Variants in SLC2A9 observed in about 807,000 individuals in gnomAD.
The protein encoded by SLC2A9 is solute carrier family 2 member 9, also known as solute carrier family 2, facilitated glucose transporter member 9.
A neutral mutation model predicts 50.6 loss-of-function variants in SLC2A9; 39 were observed. The ratio of observed to expected loss-of-function variants is 0.77; its 90% CI spans 0.60 to 1.01. SLC2A9 has a LOEUF of 1.01. SLC2A9 is among the 50% of genes least tolerant of loss of function. The pLI, the probability that SLC2A9 is intolerant of heterozygous loss-of-function variation, is 0.00. For missense variants in SLC2A9, 686 were observed against 677.6 expected (o/e 1.01, Z -0.14); for synonymous variants, 324 against 276.9 (o/e 1.17, Z -1.69).
downstream of SLC2A9, among the ~76,000 whole-genome samples, chr4:9,797,730 G>GT (rs1392877463): frequency 1.3e-5 from 2 of 152,178 alleles, no homozygotes; most frequent in Non-Finnish European, 2.9e-5. Context: ...CTAGCCACCA[G>GT]TTTCTGCCTG....
intron 5 of SLC2A9, among the ~76,000 whole-genome samples, chr4:9,949,863 T>C (rs986960975): frequency 2.0e-5 from 3 of 152,128 alleles, no homozygotes; most frequent in African/African-American, 7.2e-5. Context: ...TTCCATAGGG[T>C]TGCTTTGTTA....
chr4:9,809,307 G>C (rs1519095), intron 3 of SLC2A9, among the ~76,000 whole-genome samples: 143,688 of 152,252 alleles, frequency 0.94, 67,965 homozygotes, highest in African/African-American at 0.96. Flanking sequence ...GCCCAGCTGC[G>C]TTGGTTGCTT....
At chr4:9,901,263 GTA>G (rs1164694369) in intron 8 of SLC2A9, among the ~76,000 whole-genome samples, 1 of 152,060 alleles carries the variant, frequency 6.6e-6, no homozygotes, top group African/African-American at 2.4e-5. Flanking sequence ...ACTTGATCTA[GTA>G]TTTTAGTGGA....
At chr4:9,984,280 CCT>C (rs368715628) in intron 4 of SLC2A9, among the ~76,000 whole-genome samples, 19 of 152,194 alleles carry the variant, frequency 1.2e-4, no homozygotes, top group Admixed American at 3.9e-4. Flanking sequence ...CTCACCTCTC[CCT>C]GAGACATTTT....
intron 6 of SLC2A9, among the ~76,000 whole-genome samples, chr4:9,927,299 G>T (rs1033249451): frequency 6.6e-6 from 1 of 152,228 alleles, no homozygotes; most frequent in East Asian, 1.9e-4. Context: ...TTACAGGCGT[G>T]AGCCACCACG....
rs569963202 is a variant in SLC2A9 at position 9,952,952 on chromosome 4, C to T, written c.682-10907G>A. ...TTCTGCTATGGTCAATTTCTATTCACAGATTCTGTGATCTGAATGTCCTAT... is the reference window on the plus strand; with the variant it reads ...TTCTGCTATGGTCAATTTCTATTCATAGATTCTGTGATCTGAATGTCCTAT... On this transcript the variant is annotated intron_variant, in intron 5 of 11. Coordinates refer to ENST00000264784, the MANE Select transcript of SLC2A9 (RefSeq NM_020041.3). Among the ~76,000 whole-genome samples the T allele has an allele frequency of 1.8e-4, 27 of 152,336 alleles. No homozygotes were observed. In the East Asian group the frequency reaches 4.6e-3, roughly 26 times the overall value.
intron 1 of SLC2A9, among the ~76,000 whole-genome samples, chr4:10,039,854 C>T (rs1560514921): frequency 6.6e-6 from 1 of 152,096 alleles, no homozygotes. Context: ...CTAGATTAAG[C>T]CTTCACTTAA....
At chr4:9,898,419 T>C (rs576888825) in intron 8 of SLC2A9, among the ~76,000 whole-genome samples, 1 of 152,372 alleles carries the variant, frequency 6.6e-6, no homozygotes, top group Admixed American at 6.5e-5. Context: ...TGTGCTTTCA[T>C]ATTATTTCAC....
At chr4:9,824,884 T>A (rs1213959034), downstream of SLC2A9, among the ~76,000 whole-genome samples, 1 of 152,146 alleles carries the variant, frequency 6.6e-6, no homozygotes, top group African/African-American at 2.4e-5. Context: ...ACAAACACTG[T>A]CCAAATTTTT....
chr4:9,975,010 C>T (rs748448031), intron 5 of SLC2A9, among the ~76,000 whole-genome samples: 2 of 152,128 alleles, frequency 1.3e-5, no homozygotes, highest in African/African-American at 2.4e-5. Context: ...GGGGAAAGGA[C>T]TTCCTATTCA....
At chr4:9,931,360 C>T (rs1023538796) in intron 6 of SLC2A9, among the ~76,000 whole-genome samples, 3 of 152,162 alleles carry the variant, frequency 2.0e-5, no homozygotes, top group African/African-American at 7.2e-5. Flanking sequence ...CTCTGTGTAG[C>T]ATGGCAAACT....
At chr4:9,899,082 T>C (rs1237636610) in intron 8 of SLC2A9, among the ~76,000 whole-genome samples, 2 of 152,176 alleles carry the variant, frequency 1.3e-5, no homozygotes, top group African/African-American at 4.8e-5. Flanking sequence ...GCCAAAGCGG[T>C]GCAGACAACT....
At chr4:9,839,800 G>A (rs938045107) in intron 10 of SLC2A9, among the ~76,000 whole-genome samples, 19 of 151,986 alleles carry the variant, frequency 1.3e-4, no homozygotes, top group Admixed American at 4.6e-4. Context: ...CACATAGAGC[G>A]GAACAACACA....
rs1238738010 is a variant in SLC2A9 at position 10,019,007 on chromosome 4, A to AGCC, written c.214_216dup (p.Gly72dup). ...GGGGCATTCACCACCGACAGGTTGT[A>AGCC]GCCGTAGAGGAAGGAGGAGCCGAAG... On this transcript the variant is annotated inframe_insertion, in exon 2 of 12. Transcript: ENST00000264784. 9 of 1,550,524 alleles carry AGCC rather than the reference A, an allele frequency of 5.8e-6. No homozygotes were observed. The African/African-American group carries it at 1.2e-4, about 21-fold the overall frequency.
intron 9 of SLC2A9, among the ~76,000 whole-genome samples, chr4:9,888,897 CT>C (rs1219979018): frequency 6.6e-6 from 1 of 152,124 alleles, no homozygotes. Flanking sequence ...GTATGGCTTG[CT>C]TCTGTACCAA....
chr4:9,920,922 C>A (rs894756470), intron 6 of SLC2A9, among the ~76,000 whole-genome samples: 1 of 152,184 alleles, frequency 6.6e-6, no homozygotes, highest in South Asian at 2.1e-4. Context: ...ATCATTCCTG[C>A]CTCCAATGGC....
intron 7 of SLC2A9, among the ~76,000 whole-genome samples, chr4:9,913,028 C>G (rs1742135351): frequency 6.6e-6 from 1 of 152,214 alleles, no homozygotes; most frequent in African/African-American, 2.4e-5. Context: ...CCGAGAGATG[C>G]AGGTGCCATC....
chr4:9,850,917 C>T (rs1177969315), intron 10 of SLC2A9, among the ~76,000 whole-genome samples: 2 of 152,150 alleles, frequency 1.3e-5, no homozygotes, highest in South Asian at 2.1e-4. Context: ...CAACCCTGCC[C>T]CTGCCAGTGC....
chr4:9,947,698 C>A (rs1749450211), intron 5 of SLC2A9, among the ~76,000 whole-genome samples: 1 of 152,176 alleles, frequency 6.6e-6, no homozygotes, highest in South Asian at 2.1e-4. Flanking sequence ...CTTTATCAAA[C>A]TCTCACACTC....
Sources: gnomAD v4.1 joint callset for allele counts (sites outside exome capture counted in the v4.1 genomes callset) on GRCh38, gnomAD v4.1.1 for gene constraint, MANE v1.5 for transcripts, NCBI Gene and HGNC (gene_info 2026-07-23, HGNC 2026-07-21) for gene names.